The following PCDHA3 variants were observed in gnomAD, a reference collection of about 807,000 sequenced individuals.
PCDHA3 encodes the protein protocadherin alpha-3.
In PCDHA3, 41 loss-of-function variants were observed where a neutral mutation model predicts 62.2. That is an observed-to-expected ratio of 0.66 (90% CI 0.51 to 0.86). The LOEUF is 0.86. PCDHA3 is among the 40% of genes least tolerant of loss of function. PCDHA3 has a pLI of 0.00. For missense variants in PCDHA3, 1,304 were observed against 1,241.2 expected, an observed-to-expected ratio of 1.05 and a Z score of -0.76; for synonymous variants, 640 against 555.4, an observed-to-expected ratio of 1.15 and a Z score of -2.14.
intron 1 of PCDHA3, among the ~76,000 whole-genome samples, chr5:140,838,622 A>G (rs1163136173): frequency 6.6e-6 from 1 of 152,030 alleles, no homozygotes; most frequent in Non-Finnish European, 1.5e-5. Flanking sequence ...AATTTTTTAC[A>G]AATAATTTGG....
chr5:140,832,282 A>C (rs1771893772), intron 1 of PCDHA3, among the ~76,000 whole-genome samples: 4 of 152,208 alleles, frequency 2.6e-5, no homozygotes, highest in Admixed American at 2.6e-4. Flanking sequence ...ATTAAGCATG[A>C]ATGGTGTATT....
Position 140,802,202 on chromosome 5 carries a change from A to T in PCDHA3, c.1005A>T (p.Thr335=). 6.2e-7 allele frequency: 1 copy of T among 1,614,254 alleles called. No individual in the cohort carries two copies. The highest frequency in any genetic ancestry group is 8.5e-7 in the Non-Finnish European group (1 of 1,180,048). ...ATCCCCCAATGTCAGATCACTGCAC[A>T]GTTCTACTCGAAATTGTGGACATCA... ...KGNPPMSDHC[T]VLLEIVDIND... is the part of the protein sequence containing the mutation. The change falls in exon 1 of 4, where the codon ACA becomes ACT. Residue 335 remains threonine (T), a synonymous_variant. Coordinates refer to ENST00000522353, the MANE Select transcript of PCDHA3 (RefSeq NM_018906.3).
chr5:140,881,241 T>C, intron 1 of PCDHA3: 1 of 382,456 alleles, frequency 2.6e-6, no homozygotes, highest in Non-Finnish European at 3.6e-6. Context: ...TCAATTTAAA[T>C]GACGGCAAGG....
intron 1 of PCDHA3, chr5:140,863,137 G>GT (rs1309983213): frequency 1.7e-6 from 1 of 604,700 alleles, no homozygotes; most frequent in Admixed American, 1.9e-5. Context: ...CCGCCTGCTG[G>GT]TGCTGGTGAA....
intron 1 of PCDHA3, chr5:140,877,744 G>A (rs200651425): frequency 6.2e-7 from 1 of 1,614,080 alleles, no homozygotes; most frequent in African/African-American, 1.3e-5. Flanking sequence ...GAGGCAGAGG[G>A]TGTGCTCTGC....
At chr5:140,871,380 T>G in intron 1 of PCDHA3, 1 of 1,614,184 alleles carries the variant, frequency 6.2e-7, no homozygotes, top group East Asian at 2.2e-5. Context: ...GGGTGTGCTC[T>G]GAGGAGGGCC....
chr5:140,969,509 C>T (rs1554231905), intron 1 of PCDHA3: 1 of 1,416,140 alleles, frequency 7.1e-7, no homozygotes, highest in Non-Finnish European at 9.4e-7. Context: ...AAAAATAGCA[C>T]TAAAGAATTG....
At chr5:140,843,379 T>G in intron 1 of PCDHA3, 1 of 1,595,912 alleles carries the variant, frequency 6.3e-7, no homozygotes, top group Non-Finnish European at 8.6e-7. Flanking sequence ...CGGCTGGCGT[T>G]TTGGGTCCGG....
rs374028253 is a variant in PCDHA3, at chr5:140,876,864, G to C, written c.2394+73273G>C. ...CGCAGCCCGAGTACACAGTGTTCGT[G>C]AAGGAGAACAACCCGCCGGGCTGCC... is the stretch of plus-strand genomic sequence containing the variant. On this transcript the variant is annotated intron_variant, in intron 1 of 3. Transcript: ENST00000522353. The C allele has an allele frequency of 5.1e-5, 82 of 1,614,026 alleles. No individual in the cohort carries two copies. The African/African-American group carries it at 1.0e-3, about 20-fold the overall frequency.
At chr5:140,927,157 G>T (rs868936673) in intron 1 of PCDHA3, 1 of 1,614,146 alleles carries the variant, frequency 6.2e-7, no homozygotes, top group Admixed American at 1.7e-5. Flanking sequence ...GCTGTGCAGG[G>T]CCAAAGCTGC....
chr5:140,861,473 T>C (rs2046940252), intron 1 of PCDHA3: 2 of 491,456 alleles, frequency 4.1e-6, no homozygotes. Context: ...ATCTGCAGAA[T>C]GGCATTTTTG....
chr5:140,995,901 A>C (rs2097702550), intron 3 of PCDHA3, among the ~76,000 whole-genome samples: 3 of 152,212 alleles, frequency 2.0e-5, no homozygotes, highest in Non-Finnish European at 1.5e-5. Flanking sequence ...CAATGTATAA[A>C]AGAGGAGAGA....
In PCDHA3 at chr5:140,803,125, C is replaced by T. The variant is rs781899440; in HGVS notation, c.1928C>T (p.Pro643Leu). Reference protein sequence around the residue: ...TTRALDEVDAPRHRLLVLVKD... With the variant: ...TTRALDEVDALRHRLLVLVKD... ...CGTGCCCTGGACGAGGTGGACGCCC[C>T]GCGCCATCGCCTACTGGTGCTGGTG... The change falls in exon 1 of 4, where the codon CCG becomes CTG. Residue 643 changes from proline to leucine, a missense_variant. Coordinates refer to ENST00000522353, the MANE Select transcript of PCDHA3 (RefSeq NM_018906.3). 1.2e-6 allele frequency: 2 copies of T among 1,613,680 alleles called. No individual in the cohort carries two copies. The highest frequency in any genetic ancestry group is 1.3e-5 in the African/African-American group (1 of 74,938).
intron 1 of PCDHA3, among the ~76,000 whole-genome samples, chr5:140,945,540 CA>C (rs1330025999): frequency 1.3e-5 from 2 of 151,706 alleles, no homozygotes; most frequent in African/African-American, 2.4e-5. Flanking sequence ...AACATACAAA[CA>C]AAAAAATGAA....
Position 140,801,603 on chromosome 5 carries a change from G to A in PCDHA3, c.406G>A (p.Ala136Thr), listed in dbSNP as rs781971806. 6.2e-7 allele frequency: 1 copy of A among 1,614,160 alleles called. No homozygotes were observed. The highest frequency in any genetic ancestry group is 8.5e-7 in the Non-Finnish European group (1 of 1,180,032). ...TGACAACGCGCCAGTTTTTCCAATG[G>A]CTGTAAAGAATCTGTTTATTTCCGA... ...INDNAPVFPMAVKNLFISESR... is the reference protein window; with the variant it reads ...INDNAPVFPMTVKNLFISESR... The change falls in exon 1 of 4, where the codon GCT (alanine) becomes ACT (threonine). Residue 136 changes from alanine (A) to threonine (T), a missense_variant. Ala to Thr is a moderately conservative substitution (Grantham distance 58). Transcript: ENST00000522353.
chr5:140,879,078 A>G (rs1168166013), intron 1 of PCDHA3, among the ~76,000 whole-genome samples: 3 of 152,342 alleles, frequency 2.0e-5, no homozygotes, highest in African/African-American at 7.2e-5. Flanking sequence ...TAAGAGAGAT[A>G]AGTAGGAACA....
chr5:140,915,306 A>G (rs999638953), intron 1 of PCDHA3, among the ~76,000 whole-genome samples: 1 of 152,136 alleles, frequency 6.6e-6, no homozygotes, highest in Non-Finnish European at 1.5e-5. Context: ...ATAAGTTTAC[A>G]TACCACAATT....
At chr5:140,943,600 A>G (rs996134923) in intron 1 of PCDHA3, among the ~76,000 whole-genome samples, 1 of 152,198 alleles carries the variant, frequency 6.6e-6, no homozygotes, top group African/African-American at 2.4e-5. Context: ...AATTCTAAAT[A>G]TAGACTTTGA....
In PCDHA3 at chr5:140,883,892, G is replaced by C; in HGVS notation, c.2394+80301G>C. ...CCAGGTGAGCGCGCGCGACTCTGGC[G>C]TGCCGCCTCTGGGCAGCAACGTGAC... On this transcript the variant is annotated intron_variant, in intron 1 of 3. Transcript: ENST00000522353. 4 of 1,613,362 alleles carry C rather than the reference G, an allele frequency of 2.5e-6. No homozygotes were observed. The South Asian group carries it at 4.4e-5, about 18-fold the overall frequency.
Sources: allele counts gnomAD v4.1 joint callset (sites outside exome capture counted in the v4.1 genomes callset), GRCh38; gene constraint gnomAD v4.1.1; transcripts MANE v1.5; gene names NCBI Gene and HGNC (gene_info 2026-07-23, HGNC 2026-07-21).